SETD2: variants seen among roughly 807,000 people sequenced by gnomAD.
SETD2 encodes the protein histone-lysine N-methyltransferase SETD2.
A neutral mutation model predicts 242.1 loss-of-function variants in SETD2; 31 were observed. That is an observed-to-expected ratio of 0.13 (90% CI 0.10 to 0.17). SETD2 has a LOEUF of 0.17. Ranked by LOEUF, SETD2 falls within the 10% of genes least tolerant of loss-of-function variation. The pLI is 1.00. For synonymous variants in SETD2, 1,006 were observed against 1,066.5 expected (o/e 0.94, Z 1.11); for missense variants, 2,481 against 3,046.3 (o/e 0.81, Z 4.37).
chr3:47,101,633 T>TGTGC lies in SETD2; in HGVS notation c.4918-79_4918-78insGCAC, dbSNP rs1553694870. On this transcript the variant is annotated intron_variant, in intron 7 of 20. Transcript: ENST00000409792. ...GTGTGTGTGTGTGTGTGTGTGTGTG[T>TGTGC]GCGCATATATAAAGATCATCATCAT... The TGTGC allele has an allele frequency of 4.6e-3, 3,061 of 670,246 alleles. 53 individuals carry two copies. The highest frequency in any genetic ancestry group is 0.046 in the African/African-American group (2,467 of 54,182). 41.5% of individuals were successfully genotyped at this position (670,246 alleles called of 1,614,324 possible).
At chr3:47,098,293 G>T in intron 8 of SETD2, 1 of 362,912 alleles carries the variant, frequency 2.8e-6, no homozygotes. Flanking sequence ...ATCTTTCTTT[G>T]GGAGACAAAA....
In SETD2 at chr3:47,085,474, T is replaced by C. The variant is rs188552304; in HGVS notation, c.5397+721A>G. On this transcript the variant is annotated intron_variant, in intron 11 of 20. Coordinates refer to ENST00000409792, the MANE Select transcript of SETD2 (RefSeq NM_014159.7). ...CCTCATTCTTAGACAACCTCCCCCA[T>C]TTTGAAATCCAAGAATTTTTTCTGA... Among the ~76,000 whole-genome samples, 544 of 152,298 alleles carry C rather than the reference T, an allele frequency of 3.6e-3. 4 individuals carry two copies. The highest frequency in any genetic ancestry group is 0.012 in the African/African-American group (519 of 41,582).
chr3:47,148,336 GC>G (rs1178209914), intron 1 of SETD2, among the ~76,000 whole-genome samples: 1 of 151,982 alleles, frequency 6.6e-6, no homozygotes, highest in Non-Finnish European at 1.5e-5. Context: ...TTGCCATGTT[GC>G]CCAGGCTGGT....
chr3:47,095,242 T>G (rs1354722361), intron 9 of SETD2, among the ~76,000 whole-genome samples: 1 of 152,152 alleles, frequency 6.6e-6, no homozygotes, highest in East Asian at 1.9e-4. Context: ...TTCAAGCAAT[T>G]CTCCTGCCTC....
At chr3:47,144,563 A>G (rs2043809323) in intron 1 of SETD2, among the ~76,000 whole-genome samples, 1 of 152,200 alleles carries the variant, frequency 6.6e-6, no homozygotes. Context: ...GAATCGCTTG[A>G]ACCAGGGAGT....
At chr3:47,101,585 T>G (rs762295122) in intron 7 of SETD2, 30 bp from the exon 8 acceptor site, 1 of 1,256,586 alleles carries the variant, frequency 8.0e-7, no homozygotes, top group South Asian at 1.2e-5. Flanking sequence ...CAAAAGAAAT[T>G]AGTAACTTAT....
chr3:47,066,875 G>C (rs2040580499), intron 13 of SETD2, 195 bp downstream of exon 13: 2 of 490,164 alleles, frequency 4.1e-6, no homozygotes, highest in African/African-American at 4.0e-5. Flanking sequence ...AACAGTGTAA[G>C]AGACATTTCC....
At chr3:47,116,972 T>G (rs2042878776) in intron 3 of SETD2, among the ~76,000 whole-genome samples, 1 of 152,046 alleles carries the variant, frequency 6.6e-6, no homozygotes, top group African/African-American at 2.4e-5. Flanking sequence ...ACCTCCTGAA[T>G]AGCTGGGACC....
At chr3:47,113,732 G>T (rs371829009) in intron 5 of SETD2, 144 bp downstream of exon 5, 1 of 632,002 alleles carries the variant, frequency 1.6e-6, no homozygotes, top group Non-Finnish European at 2.5e-6. Flanking sequence ...CCAGCTACTT[G>T]AGAGGCTAAG....
At position 47,120,728 on chromosome 3, in the gene SETD2, T is replaced by A. The variant is rs574705730; in HGVS notation, c.3908A>T (p.Asn1303Ile). Reference protein sequence around the residue: ...YGGTRDYWQGNGYWDPRSGRP... With the variant: ...YGGTRDYWQGIGYWDPRSGRP... ...ACCTGATCTTGGATCCCAGTAACCA[T>A]TGCCTTGCCAGTAATCACGTGTCCC... Residue 1303 changes from asparagine (N) to isoleucine (I), a missense_variant, in exon 3 of 21, where the codon AAT becomes ATT. Physicochemically the swap from Asn to Ile is moderately radical, Grantham distance 149. Around this residue, in one of 17 missense-constraint regions of SETD2, gnomAD observed 1,300 missense variants for 1,259.2 expected, o/e 1.03. Coordinates refer to ENST00000409792, the MANE Select transcript of SETD2 (RefSeq NM_014159.7). 1 of 1,614,200 alleles carries A rather than the reference T, an allele frequency of 6.2e-7. No homozygotes were observed. The highest frequency in any genetic ancestry group is 8.5e-7 in the Non-Finnish European group (1 of 1,180,032).
In SETD2 at chr3:47,016,528, T is replaced by A. The variant is rs902743748; in HGVS notation, c.*565A>T. The A allele has an allele frequency of 8.6e-6, 2 of 233,490 alleles. No homozygotes were observed. Among genetic ancestry groups the A allele is most frequent in the Non-Finnish European group, 1.7e-5 (2 of 118,018 alleles). 14.5% of individuals were successfully genotyped at this position (233,490 alleles called of 1,614,324 possible). ...AAGCAGTAAATCAATCTTATCAACA[T>A]AGCACAAGGCTGGCCAAAACCACAA... On this transcript the variant is annotated 3_prime_UTR_variant, in exon 21 of 21. Coordinates refer to ENST00000409792, the MANE Select transcript of SETD2 (RefSeq NM_014159.7).
intron 12 of SETD2, among the ~76,000 whole-genome samples, chr3:47,082,994 G>A (rs918974712): frequency 2.0e-5 from 3 of 152,286 alleles, no homozygotes; most frequent in Middle Eastern, 3.4e-3. Flanking sequence ...TCCTCAAGAC[G>A]TGGATCCCAA....
At chr3:47,093,190 C>T (rs1054856578) in intron 9 of SETD2, among the ~76,000 whole-genome samples, 2 of 151,776 alleles carry the variant, frequency 1.3e-5, no homozygotes, top group South Asian at 2.1e-4. Context: ...TTTTGTCATG[C>T]TTCTTTCACT....
At chr3:47,080,931 T>C in intron 12 of SETD2, 2 of 987,006 alleles carry the variant, frequency 2.0e-6, no homozygotes, top group Non-Finnish European at 2.4e-6. Context: ...ATATTTTTCA[T>C]GCATCATCCA....
chr3:47,089,054 A>C (rs915664005), intron 9 of SETD2, among the ~76,000 whole-genome samples: 2 of 152,232 alleles, frequency 1.3e-5, no homozygotes, highest in African/African-American at 4.8e-5. Flanking sequence ...GTCATTAAGA[A>C]AAAGCAAGTT....
intron 9 of SETD2, among the ~76,000 whole-genome samples, chr3:47,093,575 C>T (rs1045596193): frequency 2.6e-5 from 4 of 152,010 alleles, no homozygotes; most frequent in South Asian, 2.1e-4. Flanking sequence ...TGAGCCACTG[C>T]GCCTGGCCCA....
At chr3:47,054,285 A>T (rs1243987255) in intron 15 of SETD2, among the ~76,000 whole-genome samples, 1 of 152,188 alleles carries the variant, frequency 6.6e-6, no homozygotes, top group Non-Finnish European at 1.5e-5. Context: ...AACCAAGAGA[A>T]TCTTTTTTTC....
intron 18 of SETD2, among the ~76,000 whole-genome samples, chr3:47,030,010 G>A (rs1235653523): frequency 2.0e-5 from 3 of 151,948 alleles, no homozygotes; most frequent in Admixed American, 6.6e-5. Context: ...TTAGCTGGGC[G>A]TGGTAGCAGG....
At chr3:47,114,086 C>T in intron 4 of SETD2, 82 bp from the exon 5 acceptor site, 1 of 1,369,290 alleles carries the variant, frequency 7.3e-7, no homozygotes, top group Admixed American at 2.0e-5. Context: ...GTTAGTATAA[C>T]TACATATATA....
Sources: gnomAD v4.1 joint callset for allele counts (sites outside exome capture counted in the v4.1 genomes callset) on GRCh38, gnomAD v4.1.1 for gene constraint, gnomAD v4.1.1 regional missense constraint, MANE v1.5 for transcripts, NCBI Gene and HGNC (gene_info 2026-07-23, HGNC 2026-07-21) for gene names.